Variants in PKLR observed in about 807,000 individuals in gnomAD.
PKLR encodes the protein pyruvate kinase PKLR.
Under a neutral mutation model 53.6 loss-of-function variants are expected in PKLR, and 38 were observed. The ratio of observed to expected loss-of-function variants is 0.71; its 90% CI spans 0.55 to 0.93. The LOEUF (loss-of-function observed/expected upper bound fraction) is 0.93, where lower values mean the gene tolerates loss of function less well. Among genes scored for constraint, PKLR ranks in the 40% least tolerant of loss-of-function variants. The pLI is 0.00. For synonymous variants in PKLR, 328 were observed against 316.2 expected (o/e 1.04, Z -0.39); for missense variants, 702 against 787.3 (o/e 0.89, Z 1.30).
chr1:155,291,233 G>A (rs1674527248), intron 10 of PKLR, among the ~76,000 whole-genome samples: 1 of 151,688 alleles, frequency 6.6e-6, no homozygotes. Context: ...CACGGTGGCT[G>A]ACGCCTGTAA....
chr1:155,299,039 T>TC lies in PKLR; in HGVS notation c.283+1058dup, dbSNP rs1557963567. On this transcript the variant is annotated intron_variant, in intron 2 of 10. Transcript: ENST00000342741. ...CTTTCTTTCTTTCTTTCTTTCTCTTTCTTTCTTTCTTTCCTTCCTTCCTTC... is the reference window on the plus strand; with the variant it reads ...CTTTCTTTCTTTCTTTCTTTCTCTTTCCTTTCTTTCTTTCCTTCCTTCCTTC... Among the ~76,000 whole-genome samples the TC allele has an allele frequency of 1.7e-4, 13 of 76,704 alleles. No homozygotes were observed. In the East Asian group the frequency reaches 3.9e-3, roughly 23 times the overall value. The allele number at this position is 76,704 out of a possible 152,430, so 50.3% of individuals were successfully genotyped here.
chr1:155,295,399 C>T lies in PKLR; in HGVS notation c.507+38G>A, dbSNP rs747256561. The T allele has an allele frequency of 1.2e-6, 2 of 1,612,408 alleles. No homozygotes were observed. The highest frequency in any genetic ancestry group is 1.3e-5 in the African/African-American group (1 of 75,008). ...GCCCAACCCTACAGGCGCCGCCTTT[C>T]CGGCCCTGGCCCAGCGAGTCCCAGC... On this transcript the variant is annotated intron_variant, in intron 4 of 10. Coordinates refer to ENST00000342741, the MANE Select transcript of PKLR (RefSeq NM_000298.6). This position sits in a 1 kb window ranked among gnomAD's most constrained non-coding sequence, Gnocchi z 4.3.
rs749909988 is a variant in PKLR at position 155,293,637 on chromosome 1, T to C, written c.1117-47A>G. The C allele has an allele frequency of 2.1e-5, 33 of 1,602,518 alleles. No individual in the cohort carries two copies. The Admixed American group carries it at 5.5e-4, about 27-fold the overall frequency. On this transcript the variant is annotated intron_variant, in intron 7 of 10. Transcript: ENST00000342741. The surrounding 1 kb of genome is among the most constrained non-coding windows in gnomAD (Gnocchi z 4.2). ...AAAGTTGTAGGACTCACACTGTGAC[T>C]GGGGACCCTGCCCAAGCTACTTCTC...
At chr1:155,298,931 C>T (rs1230694174) in intron 2 of PKLR, among the ~76,000 whole-genome samples, 2 of 152,174 alleles carry the variant, frequency 1.3e-5, no homozygotes, top group East Asian at 3.9e-4. Context: ...GCAAGAGCCA[C>T]CATGCCCGGC....
chr1:155,294,167 T>C, intron 7 of PKLR, 68 bp downstream of exon 7: 2 of 1,514,784 alleles, frequency 1.3e-6, no homozygotes, highest in East Asian at 2.2e-5. Context: ...ACCCCTACAG[T>C]GTGGGTATTC....
At chr1:155,291,961 C>T in intron 9 of PKLR, 24 bp from the exon 10 acceptor site, 1 of 1,609,442 alleles carries the variant, frequency 6.2e-7, no homozygotes, top group Non-Finnish European at 8.5e-7. Context: ...AGAAGGTCAG[C>T]CCAGAACAGC....
At position 155,290,861 on chromosome 1, in the gene PKLR, T is replaced by C. The variant is rs548368240; in HGVS notation, c.1619-183A>G. Among the ~76,000 whole-genome samples, 5 of 151,836 alleles carry C rather than the reference T, an allele frequency of 3.3e-5. No individual in the cohort carries two copies. In the South Asian group the frequency reaches 1.0e-3, roughly 32 times the overall value. ...AAAATTAGCTGGGTGTGGTGGCGCA[T>C]GCCTGTAATCCCAGCTACTAGGGAG... On this transcript the variant is annotated intron_variant, in intron 10 of 10. Coordinates refer to ENST00000342741, the MANE Select transcript of PKLR (RefSeq NM_000298.6).
chr1:155,299,335 C>T (rs924858535), intron 2 of PKLR, among the ~76,000 whole-genome samples: 2 of 151,330 alleles, frequency 1.3e-5, no homozygotes, highest in African/African-American at 4.9e-5. Context: ...GGACTACAGG[C>T]ATGCACCACC....
chr1:155,290,668 A>G lies in PKLR; in HGVS notation c.1629T>C (p.Arg543=), dbSNP rs766970429. 7.5e-6 allele frequency: 12 copies of G among 1,609,612 alleles called. No individual in the cohort carries two copies. In the South Asian group the frequency reaches 1.3e-4, roughly 18 times the overall value. ...CCAGGTCTCCAACACGGAGGAAGCC[A>G]CGGAGCTTTCCTGGGGGAGGGAAAG... ...VQFGIESGKL[R]GFLRVGDLVI... The change falls in exon 11 of 11, where the codon CGT becomes CGC. Residue 543 remains arginine, a synonymous_variant. Transcript: ENST00000342741.
In PKLR at chr1:155,295,434, C is replaced by A; in HGVS notation, c.507+3G>T. 1 of 1,610,164 alleles carries A rather than the reference C, an allele frequency of 6.2e-7. No homozygotes were observed. The highest frequency in any genetic ancestry group is 2.2e-5 in the East Asian group (1 of 44,716). On this transcript the variant is annotated splice_donor_region_variant and intron_variant, in intron 4 of 10. Transcript: ENST00000342741. This position sits in a 1 kb window ranked among gnomAD's most constrained non-coding sequence, Gnocchi z 4.3. ...CCCAGCGAGTCCCAGCCCCACTGCT[C>A]ACCCCCTGCAGGATCCCAGTGCGGA...
chr1:155,300,178 G>A lies in PKLR; in HGVS notation c.203C>T (p.Thr68Ile). The change falls in exon 2 of 11, where the codon ACC becomes ATC. Residue 68 changes from threonine to isoleucine, a missense_variant. By Grantham distance (89) the Thr-to-Ile change is moderately conservative. This residue lies in a region of PKLR where 519 missense variants were observed against 537.1 expected (regional missense o/e 0.97). Transcript: ENST00000342741. ...QQQLPAAMAD[T>I]FLEHLCLLDI... ...CAGTAGGCAGAGGTGTTCCAGGAAGGTGTCTGCCATAGCAGCTGGCAGCTG... is the reference window on the plus strand; with the variant it reads ...CAGTAGGCAGAGGTGTTCCAGGAAGATGTCTGCCATAGCAGCTGGCAGCTG... 2 of 1,614,024 alleles carry A rather than the reference G, an allele frequency of 1.2e-6. No individual in the cohort carries two copies. The highest frequency in any genetic ancestry group is 1.7e-6 in the Non-Finnish European group (2 of 1,179,968).
At chr1:155,301,232 C>G (rs942635347) in intron 1 of PKLR, 64 bp downstream of exon 1, 2 of 1,584,750 alleles carry the variant, frequency 1.3e-6, no homozygotes, top group African/African-American at 1.3e-5. Flanking sequence ...GCCCTCCACC[C>G]TGGCTCCTAG....
Position 155,294,462 on chromosome 1 carries a change from G to C in PKLR, c.965+20C>G, listed in dbSNP as rs1647427860. 6.2e-7 allele frequency: 1 copy of C among 1,614,224 alleles called. No homozygotes were observed. The highest frequency in any genetic ancestry group is 8.5e-7 in the Non-Finnish European group (1 of 1,180,034). ...GGGGAATAGCGACAGGGCCGAAGGG[G>C]AACAGAGCCCAAGCCTCACCTCTTC... is the stretch of plus-strand genomic sequence containing the variant. On this transcript the variant is annotated intron_variant, in intron 6 of 10. Transcript: ENST00000342741.
rs140964046 is a variant in PKLR, at chr1:155,293,563, G to T, written c.1144C>A (p.Arg382=). 14 of 1,614,022 alleles carry T rather than the reference G, an allele frequency of 8.7e-6. No homozygotes were observed. The highest frequency in any genetic ancestry group is 1.1e-5 in the Non-Finnish European group (13 of 1,179,998). The change falls in exon 8 of 11, where the codon CGG becomes AGG. Residue 382 remains arginine (R), a synonymous_variant. Coordinates refer to ENST00000342741, the MANE Select transcript of PKLR (RefSeq NM_000298.6). This position sits in a 1 kb window ranked among gnomAD's most constrained non-coding sequence, Gnocchi z 4.2. ...QMLESMITKP[R]PTRAETSDVA... ...TCGCTTGTCTCTGCCCTCGTTGGCC[G>T]GGGCTTGGTAATCATGCTCTCCAGC...
upstream of PKLR, among the ~76,000 whole-genome samples, chr1:155,304,031 C>T (rs542447948): frequency 1.8e-4 from 28 of 152,148 alleles, no homozygotes; most frequent in Admixed American, 1.8e-3. Context: ...AGGGTCGTGG[C>T]CCATAGTGAA....
upstream of PKLR, among the ~76,000 whole-genome samples, chr1:155,303,202 A>G (rs1047654277): frequency 6.6e-6 from 1 of 152,194 alleles, no homozygotes; most frequent in Non-Finnish European, 1.5e-5. Flanking sequence ...TGCTTCATTC[A>G]CTGGAATCCC....
chr1:155,291,717 C>CA (rs1165004243), intron 10 of PKLR, 39 bp downstream of exon 10: 1 of 1,596,896 alleles, frequency 6.3e-7, no homozygotes, highest in South Asian at 1.1e-5. Context: ...GCTCCTGATA[C>CA]AAATGGTAGG....
Position 155,295,116 on chromosome 1 carries a change from C to A in PKLR, c.694G>T (p.Gly232Cys), listed in dbSNP as rs750606318. 17 of 1,613,806 alleles carry A rather than the reference C, an allele frequency of 1.1e-5. No individual in the cohort carries two copies. Among genetic ancestry groups the A allele is most frequent in the Non-Finnish European group, 1.4e-5 (17 of 1,179,928 alleles). ...GLISLVVQKI[G>C]PEGLVTQVEN... ...GTCAGGGCGGGAGGCGCGTCCGCAC[C>A]GATTTTCTGGACCACTAGGGAGATG... The change falls in exon 5 of 11, where the codon GGC becomes TGC. Residue 232 changes from glycine to cysteine, a missense_variant and splice_region_variant. Gly to Cys is a radical substitution (Grantham distance 159). Coordinates refer to ENST00000342741, the MANE Select transcript of PKLR (RefSeq NM_000298.6). This position sits in a 1 kb window ranked among gnomAD's most constrained non-coding sequence, Gnocchi z 4.3.
chr1:155,307,209 A>G, the PKLR span, among the ~76,000 whole-genome samples: 5 of 152,322 alleles, frequency 3.3e-5, no homozygotes, highest in African/African-American at 1.2e-4. Flanking sequence ...CACTGCACCC[A>G]GCCGTGTTTT....
Sources: allele counts gnomAD v4.1 joint callset (sites outside exome capture counted in the v4.1 genomes callset), GRCh38; gene constraint gnomAD v4.1.1; regional missense constraint gnomAD v4.1.1; non-coding constraint Gnocchi (gnomAD v3.1); transcripts MANE v1.5; gene names NCBI Gene and HGNC (gene_info 2026-07-23, HGNC 2026-07-21).